The following ROBO2 variants were observed in gnomAD, a reference collection of about 807,000 sequenced individuals.
ROBO2 encodes roundabout guidance receptor 2.
Under a neutral mutation model 160.8 loss-of-function variants are expected in ROBO2, and 53 were observed. The observed-to-expected ratio is 0.33, with a 90% CI of 0.26 to 0.41. The LOEUF (loss-of-function observed/expected upper bound fraction) is 0.41, where lower values mean the gene tolerates loss of function less well. Ranked by LOEUF, ROBO2 falls within the 10% of genes least tolerant of loss-of-function variation. The pLI is 1.00. For missense variants in ROBO2, 1,577 were observed against 1,722.4 expected, an observed-to-expected ratio of 0.92 and a Z score of 1.49; for synonymous variants, 664 against 611.7, an observed-to-expected ratio of 1.09 and a Z score of -1.26.
At position 77,136,847 on chromosome 3, in the gene ROBO2, G is replaced by T. The variant is rs573057530; in HGVS notation, c.388+38507G>T. ...AGATAGGGTTTCACTGTGTTAGCCA[G>T]GATGGTCTCGATCTCCTGACCTTGT... On this transcript the variant is annotated intron_variant, in intron 2 of 25. Coordinates refer to ENST00000461745, the Ensembl canonical transcript of ROBO2. 1.6e-3 allele frequency among the ~76,000 whole-genome samples: 246 copies of T among 152,170 alleles called. 3 individuals are homozygous for T. Among genetic ancestry groups the T allele is most frequent in the Admixed American group, 0.012 (179 of 15,278 alleles).
At chr3:77,581,642 T>G (rs1237411136) in intron 16 of ROBO2, among the ~76,000 whole-genome samples, 1 of 152,172 alleles carries the variant, frequency 6.6e-6, no homozygotes, top group Non-Finnish European at 1.5e-5. Flanking sequence ...AATTTTTCTT[T>G]GTGTAAATTT....
intron 2 of ROBO2, among the ~76,000 whole-genome samples, chr3:76,015,561 T>C (rs2066383245): frequency 6.6e-6 from 1 of 152,236 alleles, no homozygotes; most frequent in Non-Finnish European, 1.5e-5. Context: ...AATTAAGTTA[T>C]ACATCAGGCC....
At chr3:77,085,160 A>T (rs2069139636) in intron 1 of ROBO2, among the ~76,000 whole-genome samples, 1 of 152,124 alleles carries the variant, frequency 6.6e-6, no homozygotes, top group Non-Finnish European at 1.5e-5. Flanking sequence ...TCTAAATGTA[A>T]CCACTTTGCA....
chr3:77,087,036 G>T (rs937784135), intron 1 of ROBO2, among the ~76,000 whole-genome samples: 1 of 152,050 alleles, frequency 6.6e-6, no homozygotes, highest in Non-Finnish European at 1.5e-5. Context: ...GGTGGGAATG[G>T]TGTTTTTTAG....
chr3:76,467,317 G>A (rs981507435), intron 2 of ROBO2, among the ~76,000 whole-genome samples: 4 of 152,132 alleles, frequency 2.6e-5, no homozygotes, highest in South Asian at 2.1e-4. Flanking sequence ...TGTATAAAGC[G>A]TGTTTCTTAT....
chr3:77,578,788 G>A (rs1583064369), intron 15 of ROBO2, among the ~76,000 whole-genome samples: 1 of 152,066 alleles, frequency 6.6e-6, no homozygotes, highest in South Asian at 2.1e-4. Flanking sequence ...TTGAGTGTGT[G>A]TGTGTGTTTT....
chr3:76,788,977 T>A (rs1183871887), intron 2 of ROBO2, among the ~76,000 whole-genome samples: 1 of 151,556 alleles, frequency 6.6e-6, no homozygotes, highest in African/African-American at 2.4e-5. Context: ...ATCAGGCAGC[T>A]GCTATATAGC....
intron 2 of ROBO2, among the ~76,000 whole-genome samples, chr3:77,396,544 T>C (rs930914842): frequency 6.6e-6 from 1 of 152,152 alleles, no homozygotes; most frequent in Non-Finnish European, 1.5e-5. Context: ...ATTTTAGTTA[T>C]AGTACTTAAT....
At chr3:77,529,377 A>G (rs1005742843) in intron 6 of ROBO2, among the ~76,000 whole-genome samples, 1 of 151,622 alleles carries the variant, frequency 6.6e-6, no homozygotes, top group East Asian at 1.9e-4. Flanking sequence ...AGAAAGGATG[A>G]CAGTAGGTGT....
chr3:77,016,654 T>C (rs945986923), intron 2 of ROBO2, among the ~76,000 whole-genome samples: 2 of 152,166 alleles, frequency 1.3e-5, no homozygotes, highest in Non-Finnish European at 2.9e-5. Context: ...GTCCTCTCAA[T>C]AGCTCTGTAA....
At chr3:76,461,239 T>A (rs2078069452) in intron 2 of ROBO2, among the ~76,000 whole-genome samples, 1 of 152,032 alleles carries the variant, frequency 6.6e-6, no homozygotes, top group African/African-American at 2.4e-5. Context: ...AGGTGTCACA[T>A]ACTTTTAAAC....
chr3:77,131,619 A>T (rs913564767), intron 2 of ROBO2, among the ~76,000 whole-genome samples: 1 of 152,158 alleles, frequency 6.6e-6, no homozygotes, highest in Non-Finnish European at 1.5e-5. Context: ...ATCCATAAAC[A>T]TGAAAAGTAA....
intron 2 of ROBO2, among the ~76,000 whole-genome samples, chr3:76,147,355 TTAA>T (rs1276108382): frequency 2.8e-5 from 4 of 142,460 alleles, no homozygotes; most frequent in South Asian, 2.4e-4. Context: ...TTTATAATTT[TTAA>T]TAATTAAGGA....
intron 21 of ROBO2, among the ~76,000 whole-genome samples, chr3:77,612,852 C>T (rs1383122538): frequency 6.6e-6 from 1 of 151,982 alleles, no homozygotes; most frequent in Non-Finnish European, 1.5e-5. Context: ...ACTCGGGAGG[C>T]TGAGGCAGGA....
chr3:77,353,570 G>T (rs7431364), intron 2 of ROBO2, among the ~76,000 whole-genome samples: 1 of 151,800 alleles, frequency 6.6e-6, no homozygotes, highest in Non-Finnish European at 1.5e-5. Flanking sequence ...GAGCACAGTG[G>T]CATGACCTTG....
intron 2 of ROBO2, among the ~76,000 whole-genome samples, chr3:76,399,885 A>G (rs572212042): frequency 7.9e-5 from 12 of 151,882 alleles, no homozygotes; most frequent in Non-Finnish European, 1.6e-4. Flanking sequence ...CATATAGTAG[A>G]TACAGTTTGA....
At chr3:75,947,577 C>T (rs1948357945) in intron 2 of ROBO2, among the ~76,000 whole-genome samples, 1 of 152,042 alleles carries the variant, frequency 6.6e-6, no homozygotes, top group Admixed American at 6.6e-5. Context: ...CTAGATGAAA[C>T]CCTGTGGGGA....
At chr3:77,092,183 G>T (rs1311906558) in intron 1 of ROBO2, 6 of 151,894 alleles carry the variant, frequency 4.0e-5, no homozygotes, top group Non-Finnish European at 8.8e-5. Flanking sequence ...TGATTCTGAT[G>T]CAGGCAGTCT....
At chr3:76,515,061 G>A (rs2081282695) in intron 2 of ROBO2, among the ~76,000 whole-genome samples, 1 of 152,106 alleles carries the variant, frequency 6.6e-6, no homozygotes. Context: ...GAATTGCCCT[G>A]TGCTGTTTCT....
Sources: gnomAD v4.1 joint callset for allele counts (sites outside exome capture counted in the v4.1 genomes callset) on GRCh38, gnomAD v4.1.1 for gene constraint, MANE v1.5 for transcripts, NCBI Gene and HGNC (gene_info 2026-07-23, HGNC 2026-07-21) for gene names.